GREB1L: variants seen among roughly 807,000 people sequenced by gnomAD.
The protein encoded by GREB1L is GREB1 like retinoic acid receptor coactivator.
A neutral mutation model predicts 200.8 loss-of-function variants in GREB1L; 17 were observed. The ratio of observed to expected loss-of-function variants is 0.08; its 90% CI spans 0.06 to 0.13. The LOEUF is 0.13. Among genes scored for constraint, GREB1L ranks in the 10% least tolerant of loss-of-function variants. The probability of loss-of-function intolerance (pLI) is 1.00; values close to 1 mark genes in which losing one functional copy is unlikely to be tolerated. For missense variants in GREB1L, 1,657 were observed against 2,367.7 expected, an observed-to-expected ratio of 0.70 and a Z score of 6.23; for synonymous variants, 789 against 893.0, an observed-to-expected ratio of 0.88 and a Z score of 2.08.
chr18:21,357,535 C>T (rs748062225), intron 1 of GREB1L, among the ~76,000 whole-genome samples: 3 of 152,190 alleles, frequency 2.0e-5, no homozygotes, highest in Non-Finnish European at 4.4e-5. Context: ...CTTTTGGAGT[C>T]ATAGTCAAAA....
intron 15 of GREB1L, among the ~76,000 whole-genome samples, chr18:21,464,542 CA>C (rs11477392): frequency 0.36 from 23,915 of 66,446 alleles, 2,573 homozygotes; most frequent in African/African-American, 0.5. Context: ...GACACCATCT[CA>C]AAAAAAAAAA....
chr18:21,347,844 G>A (rs2039371916), intron 1 of GREB1L, among the ~76,000 whole-genome samples: 1 of 141,800 alleles, frequency 7.1e-6, no homozygotes, highest in African/African-American at 2.7e-5. Context: ...TCGGCTCACT[G>A]CAATCCCCGC....
At chr18:21,470,287 CTT>C (rs1177596464) in intron 15 of GREB1L, among the ~76,000 whole-genome samples, 2 of 151,976 alleles carry the variant, frequency 1.3e-5, no homozygotes, top group African/African-American at 4.8e-5. Context: ...ACTCTTGTCT[CTT>C]TAAATTTTTT....
intron 7 of GREB1L, among the ~76,000 whole-genome samples, chr18:21,410,481 C>CCAG (rs2030840604): frequency 6.6e-6 from 1 of 151,852 alleles, no homozygotes; most frequent in Admixed American, 6.6e-5. Flanking sequence ...CATGGCAAAA[C>CCAG]CCTGTCTCTC....
At chr18:21,417,414 G>A (rs1490096908) in intron 7 of GREB1L, among the ~76,000 whole-genome samples, 2 of 151,798 alleles carry the variant, frequency 1.3e-5, no homozygotes, top group Non-Finnish European at 2.9e-5. Flanking sequence ...TTTGGGAAGC[G>A]GAGGCACGAG....
intron 15 of GREB1L, among the ~76,000 whole-genome samples, chr18:21,466,078 T>C (rs2035252147): frequency 6.6e-6 from 1 of 152,202 alleles, no homozygotes; most frequent in African/African-American, 2.4e-5. Flanking sequence ...ATTTTATGCT[T>C]AATGTTACGT....
intron 7 of GREB1L, among the ~76,000 whole-genome samples, chr18:21,437,793 G>A (rs1376423187): frequency 1.3e-5 from 2 of 152,138 alleles, no homozygotes; most frequent in African/African-American, 4.8e-5. Flanking sequence ...TTCAGTATGT[G>A]CATCTTTTTT....
intron 2 of GREB1L, among the ~76,000 whole-genome samples, chr18:21,379,710 A>G (rs906344037): frequency 6.6e-6 from 1 of 152,300 alleles, no homozygotes; most frequent in African/African-American, 2.4e-5. Flanking sequence ...GGAAGGTGAA[A>G]TGGTTGTTGG....
rs2035186704 is a variant in GREB1L, at chr18:21,464,491, C to T, written c.2183-8540C>T. ...TCCAAGAGGCAGAGGTTGCAGTGAG[C>T]CGAGATCGCGCCACTGCACTCTAGC... On this transcript the variant is annotated intron_variant, in intron 15 of 32. Coordinates refer to ENST00000424526, the MANE Select transcript of GREB1L (RefSeq NM_001142966.3). 2.0e-5 allele frequency among the ~76,000 whole-genome samples: 3 copies of T among 149,288 alleles called. No homozygotes were observed. In the South Asian group the frequency reaches 6.4e-4, roughly 32 times the overall value.
At chr18:21,494,762 A>C (rs1481274458) in intron 19 of GREB1L, among the ~76,000 whole-genome samples, 4 of 152,200 alleles carry the variant, frequency 2.6e-5, no homozygotes, top group African/African-American at 9.6e-5. Flanking sequence ...TACACACTTA[A>C]TGAAAAGCAG....
intron 1 of GREB1L, among the ~76,000 whole-genome samples, chr18:21,279,131 TTAAAG>T (rs925720835): frequency 1.3e-5 from 2 of 152,130 alleles, no homozygotes; most frequent in African/African-American, 4.8e-5. Flanking sequence ...CCTTCCTTGT[TTAAAG>T]AAAAGATTAC....
intron 1 of GREB1L, among the ~76,000 whole-genome samples, chr18:21,298,496 C>T (rs369700205): frequency 6.6e-6 from 1 of 152,160 alleles, no homozygotes; most frequent in Admixed American, 6.5e-5. Context: ...TCTTATTCTT[C>T]GTTGTCTTCT....
chr18:21,341,513 C>G (rs535880446), intron 1 of GREB1L, among the ~76,000 whole-genome samples: 1 of 152,160 alleles, frequency 6.6e-6, no homozygotes, highest in African/African-American at 2.4e-5. Flanking sequence ...CTGGGACTAT[C>G]GGCATACACC....
intron 2 of GREB1L, among the ~76,000 whole-genome samples, chr18:21,376,311 G>A (rs1598716678): frequency 6.6e-6 from 1 of 151,274 alleles, no homozygotes; most frequent in African/African-American, 2.4e-5. Flanking sequence ...TAGAGACGGG[G>A]TTTTGCAATG....
chr18:21,443,960 A>G (rs1388209092), intron 10 of GREB1L, among the ~76,000 whole-genome samples: 4 of 152,204 alleles, frequency 2.6e-5, no homozygotes, highest in African/African-American at 9.6e-5. Flanking sequence ...TGACTATTTC[A>G]GTCCACGGTT....
intron 1 of GREB1L, chr18:21,316,769 T>C (rs1403146555): frequency 6.8e-6 from 1 of 147,828 alleles, no homozygotes; most frequent in Non-Finnish European, 1.5e-5. Flanking sequence ...CTTTTTTTTT[T>C]TTTTTTTTTT....
chr18:21,372,900 A>T (rs1257017310), intron 2 of GREB1L, among the ~76,000 whole-genome samples: 1 of 152,110 alleles, frequency 6.6e-6, no homozygotes, highest in African/African-American at 2.4e-5. Context: ...ACAAAAAATT[A>T]TGAGATTTTT....
At chr18:21,344,686 A>C (rs553944651) in intron 1 of GREB1L, among the ~76,000 whole-genome samples, 1 of 152,354 alleles carries the variant, frequency 6.6e-6, no homozygotes, top group South Asian at 2.1e-4. Context: ...ATCTAAAGGA[A>C]AGATGGATTT....
chr18:21,446,116 C>T (rs1188493507), intron 11 of GREB1L, among the ~76,000 whole-genome samples: 1 of 152,172 alleles, frequency 6.6e-6, no homozygotes, highest in Admixed American at 6.5e-5. Flanking sequence ...CCACCACCTC[C>T]CATGTTCAAG....
Sources: gnomAD v4.1 joint callset for allele counts (sites outside exome capture counted in the v4.1 genomes callset) on GRCh38, gnomAD v4.1.1 for gene constraint, MANE v1.5 for transcripts, NCBI Gene and HGNC (gene_info 2026-07-23, HGNC 2026-07-21) for gene names.